The following CHD6 variants were observed in gnomAD, a reference collection of about 807,000 sequenced individuals.
CHD6 encodes the protein chromodomain helicase DNA binding protein 6.
In CHD6, 50 loss-of-function variants were observed where a neutral mutation model predicts 276.9. The observed-to-expected ratio is 0.18, with a 90% CI of 0.14 to 0.23. CHD6 has a LOEUF of 0.23. Among genes scored for constraint, CHD6 ranks in the 10% least tolerant of loss-of-function variants. The probability of loss-of-function intolerance (pLI) is 1.00; values close to 1 mark genes in which losing one functional copy is unlikely to be tolerated. For synonymous variants in CHD6, 1,173 were observed against 1,229.3 expected, an observed-to-expected ratio of 0.95 and a Z score of 0.96; for missense variants, 2,564 against 3,365.8, an observed-to-expected ratio of 0.76 and a Z score of 5.89.
At chr20:41,499,029 G>C (rs2294563) in intron 6 of CHD6, among the ~76,000 whole-genome samples, 3,446 of 151,912 alleles carry the variant, frequency 0.023, 47 homozygotes, top group South Asian at 0.041. Flanking sequence ...AAATTGTGGT[G>C]GGCTACAGCA....
intron 17 of CHD6, among the ~76,000 whole-genome samples, chr20:41,458,264 T>A (rs937535966): frequency 1.3e-5 from 2 of 152,248 alleles, no homozygotes; most frequent in African/African-American, 4.8e-5. Flanking sequence ...AAGCTAAATA[T>A]TTGATTCTCT....
At chr20:41,580,254 C>G (rs937107888) in intron 1 of CHD6, among the ~76,000 whole-genome samples, 4 of 152,170 alleles carry the variant, frequency 2.6e-5, no homozygotes, top group African/African-American at 9.7e-5. Flanking sequence ...TGTATCCTTT[C>G]TTGTTGGGTA....
intron 2 of CHD6, among the ~76,000 whole-genome samples, chr20:41,534,364 A>ACGC (rs1452595316): frequency 6.6e-6 from 1 of 152,236 alleles, no homozygotes; most frequent in Non-Finnish European, 1.5e-5. Context: ...GCTAAAGGGC[A>ACGC]CAGACAGTTG....
chr20:41,612,735 G>A (rs956990712), intron 1 of CHD6, among the ~76,000 whole-genome samples: 25 of 152,184 alleles, frequency 1.6e-4, no homozygotes, highest in African/African-American at 5.5e-4. Flanking sequence ...AGTAGATAGA[G>A]TCCAGATATA....
chr20:41,548,805 AAAC>A (rs1460429631), intron 2 of CHD6, among the ~76,000 whole-genome samples: 3 of 152,202 alleles, frequency 2.0e-5, no homozygotes, highest in Admixed American at 6.5e-5. Flanking sequence ...AAGAAAAAAA[AAAC>A]AACCCCATCA....
At chr20:41,435,677 T>C in intron 27 of CHD6, among the ~76,000 whole-genome samples, 1 of 151,178 alleles carries the variant, frequency 6.6e-6, no homozygotes, top group Admixed American at 6.6e-5. Context: ...TCAATGAAGA[T>C]GTCAATTCTC....
rs58169591 is a variant in CHD6 at position 41,559,147 on chromosome 20, G to GACACACACAC, written c.-23-7797_-23-7788dup. Among the ~76,000 whole-genome samples the GACACACACAC allele has an allele frequency of 1.0e-3, 155 of 148,268 alleles. No homozygotes were observed. In the Middle Eastern group the frequency reaches 0.015, roughly 14 times the overall value. On this transcript the variant is annotated intron_variant, in intron 1 of 36. Transcript: ENST00000373233. ...GGTTTTAAGCTTATTGCCTGTTCCT[G>GACACACACAC]ACACACACACACACACACACACACA...
At position 41,454,726 on chromosome 20, in the gene CHD6, A is replaced by G; in HGVS notation, c.3020T>C (p.Val1007Ala). Residue 1007 changes from valine to alanine, a missense_variant, in exon 20 of 37, where the codon GTG becomes GCG. By Grantham distance (64) the Val-to-Ala change is moderately conservative. This residue lies in a region of CHD6 where 19 missense variants were observed against 74.7 expected (regional missense o/e 0.25). Transcript: ENST00000373233. ...AATATCTGTTCTGTTTCCTGAAGCC[A>G]CAAAGCTAGCCTGTGAAGAAGACAA... ...KGSTFAKASF[V>A]ASGNRTDISL... The G allele has an allele frequency of 6.2e-7, 1 of 1,613,252 alleles. No individual in the cohort carries two copies. Among genetic ancestry groups the G allele is most frequent in the Non-Finnish European group, 8.5e-7 (1 of 1,179,534 alleles).
At chr20:41,542,057 G>A (rs2044953453) in intron 2 of CHD6, among the ~76,000 whole-genome samples, 1 of 152,206 alleles carries the variant, frequency 6.6e-6, no homozygotes. Flanking sequence ...AAGTGCCTGT[G>A]TTGTTTTTGG....
intron 1 of CHD6, among the ~76,000 whole-genome samples, chr20:41,556,989 A>G (rs911297800): frequency 1.3e-5 from 2 of 152,260 alleles, no homozygotes; most frequent in African/African-American, 2.4e-5. Context: ...ATGGCTTTAC[A>G]GTCTCTGCTG....
At chr20:41,538,238 C>G (rs111715565) in intron 2 of CHD6, among the ~76,000 whole-genome samples, 8,618 of 152,208 alleles carry the variant, frequency 0.057, 316 homozygotes, top group African/African-American at 0.069. Flanking sequence ...GTAATCCCAG[C>G]TACTTGGGAG....
intron 5 of CHD6, among the ~76,000 whole-genome samples, chr20:41,512,626 A>C (rs1419464808): frequency 6.6e-6 from 1 of 152,054 alleles, no homozygotes; most frequent in African/African-American, 2.4e-5. Flanking sequence ...AAAAATGAAG[A>C]ATTTGGCAAA....
rs546329380 is a variant in CHD6, at chr20:41,558,508, AC to A, written c.-23-7149del. Among the ~76,000 whole-genome samples the A allele has an allele frequency of 5.3e-5, 8 of 152,366 alleles. No homozygotes were observed. In the East Asian group the frequency reaches 1.5e-3, roughly 29 times the overall value. ...AGATGTTTTAATGATGTAAAAACAA[AC>A]AATATAAAAGCTCCCATTCCTTCTT... On this transcript the variant is annotated intron_variant, in intron 1 of 36. Coordinates refer to ENST00000373233, the MANE Select transcript of CHD6 (RefSeq NM_032221.5).
intron 16 of CHD6, 43 bp downstream of exon 16, chr20:41,483,266 A>T: frequency 2.6e-6 from 4 of 1,510,072 alleles, no homozygotes; most frequent in Non-Finnish European, 3.6e-6. Flanking sequence ...AAAGGAAAGG[A>T]ACTGTCCCAT....
In CHD6 at chr20:41,578,540, C is replaced by A. The variant is rs2903376; in HGVS notation, c.-23-27180G>T. The stretch of plus-strand genomic sequence containing the variant: ...GTTAAGTTCAAACCAATTAGCTGGG[C>A]GTAGGGGCAGGCGCCTATAATCCCA... On this transcript the variant is annotated intron_variant, in intron 1 of 36. Transcript: ENST00000373233. 2.0e-5 allele frequency among the ~76,000 whole-genome samples: 3 copies of A among 151,692 alleles called. No individual in the cohort carries two copies. In the East Asian group the frequency reaches 5.8e-4, roughly 29 times the overall value.
At chr20:41,412,665 G>A (rs757379753) in intron 35 of CHD6, among the ~76,000 whole-genome samples, 16 of 152,150 alleles carry the variant, frequency 1.1e-4, no homozygotes, top group Non-Finnish European at 1.9e-4. Flanking sequence ...CTTCCTGTGC[G>A]CTCTCTACCT....
At chr20:41,460,637 C>G (rs968358784) in intron 17 of CHD6, among the ~76,000 whole-genome samples, 1 of 152,190 alleles carries the variant, frequency 6.6e-6, no homozygotes, top group African/African-American at 2.4e-5. Flanking sequence ...GCACAGAAGT[C>G]AAGAATTGAG....
At chr20:41,578,957 C>T (rs1390829401) in intron 1 of CHD6, among the ~76,000 whole-genome samples, 9 of 150,490 alleles carry the variant, frequency 6.0e-5, no homozygotes, top group Non-Finnish European at 1.3e-4. Flanking sequence ...TGGTGAAACC[C>T]CATCTCTACT....
intron 24 of CHD6, among the ~76,000 whole-genome samples, chr20:41,447,071 G>A (rs1231960414): frequency 1.3e-5 from 2 of 152,202 alleles, no homozygotes; most frequent in Non-Finnish European, 2.9e-5. Flanking sequence ...AGTGGTAACA[G>A]TTGCTGAGGA....
Sources: gnomAD v4.1 joint callset for allele counts (sites outside exome capture counted in the v4.1 genomes callset) on GRCh38, gnomAD v4.1.1 for gene constraint, gnomAD v4.1.1 regional missense constraint, MANE v1.5 for transcripts, NCBI Gene and HGNC (gene_info 2026-07-23, HGNC 2026-07-21) for gene names.